HMGXB3: variants seen among roughly 807,000 people sequenced by gnomAD.
The protein encoded by HMGXB3 is HMG-box containing 3.
A neutral mutation model predicts 121.5 loss-of-function variants in HMGXB3; 45 were observed. The ratio of observed to expected loss-of-function variants is 0.37; its 90% CI spans 0.29 to 0.47. The LOEUF (loss-of-function observed/expected upper bound fraction) is 0.47. Among genes scored for constraint, HMGXB3 ranks in the 20% least tolerant of loss-of-function variants. The pLI is 0.99. For missense variants in HMGXB3, 1,376 were observed against 1,602.2 expected (o/e 0.86, Z 2.41); for synonymous variants, 590 against 624.1 (o/e 0.95, Z 0.81).
At chr5:150,020,304 C>T (rs1020599471) in intron 6 of HMGXB3, among the ~76,000 whole-genome samples, 1 of 152,196 alleles carries the variant, frequency 6.6e-6, no homozygotes, top group Non-Finnish European at 1.5e-5. Flanking sequence ...TCTGATGTGC[C>T]TCTCTGAAGC....
chr5:150,042,002 C>T lies in HMGXB3; in HGVS notation c.2730+33C>T, dbSNP rs144150871. On this transcript the variant is annotated intron_variant, in intron 15 of 19. Transcript: ENST00000502717. ...CCTCTTAGCCACCGTGAGGGACCTG[C>T]GGAATTTTCTCATTTTGGCACCTCC... 350 of 1,528,022 alleles carry T rather than the reference C, an allele frequency of 2.3e-4. 2 individuals are homozygous for T. In the East Asian group the frequency reaches 7.7e-3, roughly 34 times the overall value. 94.7% of individuals were successfully genotyped at this position (1,528,022 alleles called of 1,614,324 possible).
chr5:150,008,761 A>G (rs1017962355), intron 3 of HMGXB3, among the ~76,000 whole-genome samples: 3 of 152,188 alleles, frequency 2.0e-5, no homozygotes, highest in African/African-American at 7.2e-5. Flanking sequence ...AGTCCAGGCC[A>G]TGCTGTGTGT....
chr5:150,051,626 T>C (rs886380300), intron 19 of HMGXB3, 99 bp from the exon 20 acceptor site: 3 of 972,260 alleles, frequency 3.1e-6, no homozygotes, highest in Non-Finnish European at 4.5e-6. Context: ...GATGTTAGGA[T>C]TCAAAGAGGG....
intron 15 of HMGXB3, among the ~76,000 whole-genome samples, chr5:150,042,824 G>C (rs1262335063): frequency 6.6e-6 from 1 of 152,100 alleles, no homozygotes; most frequent in Non-Finnish European, 1.5e-5. Context: ...AGATTAATTA[G>C]AACAAATATC....
chr5:150,030,986 T>G, intron 10 of HMGXB3, 147 bp downstream of exon 10: 1 of 605,984 alleles, frequency 1.7e-6, no homozygotes, highest in Non-Finnish European at 3.0e-6. Flanking sequence ...GAAGATCCCA[T>G]CCCTGATGCA....
In HMGXB3 at chr5:150,036,692, C is replaced by G; in HGVS notation, c.2040C>G (p.Ala680=). 1 of 1,551,050 alleles carries G rather than the reference C, an allele frequency of 6.4e-7. No individual in the cohort carries two copies. Among genetic ancestry groups the G allele is most frequent in the South Asian group, 1.2e-5 (1 of 84,018 alleles). ...ATGCCACAGAGCCCCTGAGCACAGC[C>G]CAGAGGGAGATCCAGCGCCAGTCCA... The part of the protein sequence containing the change: ...VLNATEPLST[A]QREIQRQSTL... The change falls in exon 12 of 20, where the codon GCC becomes GCG. Residue 680 remains alanine (A), a synonymous_variant. Transcript: ENST00000502717.
chr5:150,030,494 C>G (rs1249668118), intron 9 of HMGXB3: 1 of 415,082 alleles, frequency 2.4e-6, no homozygotes, highest in Admixed American at 4.0e-5. Context: ...AGTTGTAAAT[C>G]TGATTCATGG....
At chr5:150,012,200 G>A in intron 4 of HMGXB3, 55 bp from the exon 5 acceptor site, 1 of 1,247,054 alleles carries the variant, frequency 8.0e-7, no homozygotes, top group Non-Finnish European at 1.2e-6. Flanking sequence ...GAGTGGCCTG[G>A]GTGTTCTTTA....
At chr5:150,019,026 C>T (rs1756023540) in intron 6 of HMGXB3, among the ~76,000 whole-genome samples, 3 of 150,806 alleles carry the variant, frequency 2.0e-5, no homozygotes, top group Admixed American at 6.6e-5. Flanking sequence ...TGGGGTCTTC[C>T]TTTGTTGCTC....
intron 18 of HMGXB3, 49 bp downstream of exon 18, chr5:150,048,734 C>A: frequency 7.6e-7 from 1 of 1,308,298 alleles, no homozygotes; most frequent in Non-Finnish European, 1.1e-6. Flanking sequence ...TAATGTTGAA[C>A]TTCCCATACA....
At chr5:150,028,497 A>ATGTTTGTG in intron 9 of HMGXB3, among the ~76,000 whole-genome samples, 1 of 66,458 alleles carries the variant, frequency 1.5e-5, no homozygotes, top group South Asian at 4.0e-4. Flanking sequence ...ATGTATATAT[A>ATGTTTGTG]TGTATGTATG....
At chr5:150,012,911 C>G (rs1204134149) in intron 5 of HMGXB3, among the ~76,000 whole-genome samples, 1 of 152,130 alleles carries the variant, frequency 6.6e-6, no homozygotes, top group Non-Finnish European at 1.5e-5. Context: ...ACTAGTATAT[C>G]GTAATACAAT....
intron 14 of HMGXB3, 106 bp downstream of exon 14, chr5:150,040,985 T>C: frequency 9.0e-7 from 1 of 1,116,936 alleles, no homozygotes; most frequent in Non-Finnish European, 1.2e-6. Context: ...AGTCTGATTA[T>C]TTTGAAAAGG....
At chr5:150,005,055 A>G (rs1755663865) in intron 2 of HMGXB3, 66 bp downstream of exon 2, 1 of 1,502,164 alleles carries the variant, frequency 6.7e-7, no homozygotes, top group Admixed American at 2.5e-5. Context: ...AGCTGCATTG[A>G]GGAAAACTTT....
intron 3 of HMGXB3, among the ~76,000 whole-genome samples, chr5:150,008,090 C>G (rs1157411477): frequency 1.3e-5 from 2 of 150,496 alleles, no homozygotes; most frequent in African/African-American, 4.9e-5. Flanking sequence ...CACACACACA[C>G]ACACACACAA....
intron 1 of HMGXB3, among the ~76,000 whole-genome samples, chr5:150,003,196 C>A (rs1002817331): frequency 3.3e-5 from 5 of 152,126 alleles, no homozygotes; most frequent in African/African-American, 1.2e-4. Context: ...TCACACTAGC[C>A]ATATTTCAAG....
chr5:150,036,287 G>T (rs908193625), intron 11 of HMGXB3, among the ~76,000 whole-genome samples: 3 of 152,106 alleles, frequency 2.0e-5, no homozygotes, highest in Non-Finnish European at 4.4e-5. Flanking sequence ...TTCATAATTT[G>T]CAATATTTGC....
At chr5:150,040,422 G>A (rs1240783769) in intron 13 of HMGXB3, among the ~76,000 whole-genome samples, 1 of 152,072 alleles carries the variant, frequency 6.6e-6, no homozygotes. Context: ...TAGAGATGGG[G>A]CTTTGCTATG....
intron 7 of HMGXB3, 41 bp from the exon 8 acceptor site, chr5:150,026,665 T>G (rs779054248): frequency 6.6e-7 from 1 of 1,524,734 alleles, no homozygotes; most frequent in Non-Finnish European, 8.8e-7. Context: ...TTTCTTCCCT[T>G]TGTTCCAGAA....
Sources: allele counts gnomAD v4.1 joint callset (sites outside exome capture counted in the v4.1 genomes callset), GRCh38; gene constraint gnomAD v4.1.1; transcripts MANE v1.5; gene names NCBI Gene and HGNC (gene_info 2026-07-23, HGNC 2026-07-21).